The following KIF23 variants were observed in gnomAD, a reference collection of about 807,000 sequenced individuals.
KIF23 encodes the protein kinesin-like protein KIF23.
In KIF23, 30 loss-of-function variants were observed where a neutral mutation model predicts 137.5. The observed-to-expected ratio is 0.22, with a 90% CI of 0.16 to 0.30. The LOEUF (loss-of-function observed/expected upper bound fraction) is 0.30. Ranked by LOEUF, KIF23 falls within the 10% of genes least tolerant of loss-of-function variation. The pLI is 1.00. For synonymous variants in KIF23, 367 were observed against 391.1 expected (o/e 0.94, Z 0.73); for missense variants, 920 against 1,194.3 (o/e 0.77, Z 3.38).
At position 69,419,250 on chromosome 15, in the gene KIF23, C is replaced by T. The variant is rs190756915; in HGVS notation, c.210+1739C>T. Among the ~76,000 whole-genome samples, 30 of 152,300 alleles carry T rather than the reference C, an allele frequency of 2.0e-4. No individual in the cohort carries two copies. The East Asian group carries it at 5.2e-3, about 26-fold the overall frequency. ...GGTATCATTGACAAGACTTCCAAAG[C>T]CCAACTGCCTCCACTTGGAATCTTC... On this transcript the variant is annotated intron_variant, in intron 3 of 23. Coordinates refer to ENST00000679126, the MANE Select transcript of KIF23 (RefSeq NM_001367805.3).
At chr15:69,437,376 A>G (rs2057507414) in intron 15 of KIF23, among the ~76,000 whole-genome samples, 1 of 152,158 alleles carries the variant, frequency 6.6e-6, no homozygotes, top group Non-Finnish European at 1.5e-5. Flanking sequence ...TGTGAAGATA[A>G]ATAAGATAAA....
At position 69,426,193 on chromosome 15, in the gene KIF23, C is replaced by T; in HGVS notation, c.889+11C>T. The T allele has an allele frequency of 6.3e-7, 1 of 1,595,634 alleles. No individual in the cohort carries two copies. Among genetic ancestry groups the T allele is most frequent in the Non-Finnish European group, 8.5e-7 (1 of 1,169,844 alleles). ...AAGTTTTCTGGAGAGGTTAGAAACACCTAGAACTAGAAAAATACAGAATGA... is the reference window on the plus strand; with the variant it reads ...AAGTTTTCTGGAGAGGTTAGAAACATCTAGAACTAGAAAAATACAGAATGA... On this transcript the variant is annotated intron_variant, in intron 9 of 23. Coordinates refer to ENST00000679126, the MANE Select transcript of KIF23 (RefSeq NM_001367805.3).
At chr15:69,423,351 T>A (rs1392345175) in intron 7 of KIF23, 22 bp downstream of exon 7, 5 of 1,482,750 alleles carry the variant, frequency 3.4e-6, no homozygotes, top group Non-Finnish European at 9.0e-7. Flanking sequence ...AGAGAGCCCC[T>A]TCTTAGCTGT....
rs768079172 is a variant in KIF23 at position 69,417,546 on chromosome 15, A to G, written c.210+35A>G. 15 of 1,592,732 alleles carry G rather than the reference A, an allele frequency of 9.4e-6. No individual in the cohort carries two copies. The South Asian group carries it at 1.1e-4, about 12-fold the overall frequency. On this transcript the variant is annotated intron_variant, in intron 3 of 23. Transcript: ENST00000679126. ...ATTTGGACCAAGTTGTTTTTACTCA[A>G]TATGTTGTTTCCTGAATGACTTCTA...
chr15:69,435,644 CTT>C lies in KIF23; in HGVS notation c.1195-6_1195-5del. 1.2e-6 allele frequency: 2 copies of C among 1,613,204 alleles called. No homozygotes were observed. Among genetic ancestry groups the C allele is most frequent in the African/African-American group, 1.3e-5 (1 of 74,942 alleles). On this transcript the variant is annotated splice_polypyrimidine_tract_variant and splice_region_variant and intron_variant, in intron 12 of 23. Transcript: ENST00000679126. The stretch of plus-strand genomic sequence containing the variant: ...GCGTAACACATTTGGATATGAATGT[CTT>C]TGTAGATGGTTCCATATCGAGATTC...
At chr15:69,424,992 A>G (rs2057153773) in intron 7 of KIF23, among the ~76,000 whole-genome samples, 1 of 152,204 alleles carries the variant, frequency 6.6e-6, no homozygotes, top group African/African-American at 2.4e-5. Context: ...TATACAAAAG[A>G]AGATTGACAA....
rs532631063 is a variant in KIF23, at chr15:69,429,749, G to A, written c.1114+536G>A. Among the ~76,000 whole-genome samples the A allele has an allele frequency of 5.3e-5, 8 of 152,192 alleles. No homozygotes were observed. In the East Asian group the frequency reaches 5.8e-4, roughly 11 times the overall value. On this transcript the variant is annotated intron_variant, in intron 11 of 23. Coordinates refer to ENST00000679126, the MANE Select transcript of KIF23 (RefSeq NM_001367805.3). ...AGTTGTATTCAATTAGTCTGGGTGC[G>A]GTGGCTCACACCTGTAATCCTGGCA...
intron 10 of KIF23, chr15:69,427,364 TTA>T: frequency 2.2e-6 from 1 of 455,468 alleles, no homozygotes; most frequent in South Asian, 1.6e-5. Flanking sequence ...TTCCCCATTA[TTA>T]TAGTTTTGGG....
chr15:69,438,102 C>T, intron 15 of KIF23, 146 bp from the exon 16 acceptor site: 1 of 607,076 alleles, frequency 1.6e-6, no homozygotes, highest in Non-Finnish European at 2.7e-6. Flanking sequence ...TCCTGATTTC[C>T]CTCTAAACTT....
At chr15:69,423,481 G>C in intron 7 of KIF23, 152 bp downstream of exon 7, 2 of 533,770 alleles carry the variant, frequency 3.7e-6, no homozygotes, top group Non-Finnish European at 6.4e-6. Flanking sequence ...GTGGTTTTGT[G>C]TTTGAGTATG....
At chr15:69,432,657 G>T (rs971209796) in intron 11 of KIF23, among the ~76,000 whole-genome samples, 2 of 152,092 alleles carry the variant, frequency 1.3e-5, no homozygotes, top group African/African-American at 4.8e-5. Context: ...ATTTCTGAAG[G>T]TATAACACAG....
At chr15:69,416,089 G>A (rs773971888) in intron 2 of KIF23, 26 bp downstream of exon 2, 24 of 1,492,070 alleles carry the variant, frequency 1.6e-5, no homozygotes, top group Non-Finnish European at 2.2e-5. Flanking sequence ...AAATTTATGT[G>A]TGGTGTTTAA....
In KIF23 at chr15:69,443,160, C is replaced by T. The variant is rs114843340; in HGVS notation, c.2422-1630C>T. On this transcript the variant is annotated intron_variant, in intron 19 of 23. Transcript: ENST00000679126. ...TAGTGGCAAACTGTATTGCCCATGT[C>T]TTAGAGCTGTCACTAGTGCTGCATT... Among the ~76,000 whole-genome samples the T allele has an allele frequency of 2.8e-3, 425 of 152,168 alleles. 3 individuals carry two copies. Among genetic ancestry groups the T allele is most frequent in the African/African-American group, 9.9e-3 (413 of 41,516 alleles).
At chr15:69,424,539 T>A (rs2057140944) in intron 7 of KIF23, among the ~76,000 whole-genome samples, 1 of 152,192 alleles carries the variant, frequency 6.6e-6, no homozygotes, top group Admixed American at 6.5e-5. Flanking sequence ...TTTTATTTAT[T>A]TTTGAGACAG....
Position 69,422,017 on chromosome 15 carries a change from G to A in KIF23, c.342G>A (p.Thr114=), listed in dbSNP as rs544467574. The change falls in exon 5 of 24, where the codon ACG becomes ACA. Residue 114 remains threonine (T), a synonymous_variant. Transcript: ENST00000679126. ...KNGLLFTYGV[T]GSGKTHTMTG... ...GTCTTCTTTTTACATATGGTGTGAC[G>A]GGAAGTGGAAAAACTCACACAATGA... The A allele has an allele frequency of 9.3e-6, 15 of 1,613,880 alleles. No homozygotes were observed. Among genetic ancestry groups the A allele is most frequent in the African/African-American group, 1.3e-5 (1 of 74,892 alleles).
intron 20 of KIF23, 79 bp downstream of exon 20, chr15:69,445,120 G>GT (rs1376431590): frequency 7.6e-7 from 1 of 1,323,738 alleles, no homozygotes; most frequent in Non-Finnish European, 1.0e-6. Context: ...TACTCCTTTG[G>GT]TGACACACAG....
At chr15:69,425,203 G>A in intron 7 of KIF23, 79 bp from the exon 8 acceptor site, 1 of 1,070,982 alleles carries the variant, frequency 9.3e-7, no homozygotes, top group Admixed American at 2.2e-5. Context: ...CATTGTGATT[G>A]TCACATAGTC....
rs773127932 is a variant in KIF23 at position 69,446,959 on chromosome 15, T to C, written c.2909+18T>C. On this transcript the variant is annotated intron_variant, in intron 23 of 23. Transcript: ENST00000679126. ...CAACCCAAGTGAGTACTGACTGTAA[T>C]TGGGGTCTTGCTGTGTGCTTTTTTC... is the stretch of plus-strand genomic sequence containing the variant. 7.5e-6 allele frequency: 12 copies of C among 1,610,652 alleles called. No individual in the cohort carries two copies. In the East Asian group the frequency reaches 1.3e-4, roughly 18 times the overall value.
chr15:69,422,562 A>C, intron 6 of KIF23, 127 bp downstream of exon 6: 1 of 633,056 alleles, frequency 1.6e-6, no homozygotes, highest in Middle Eastern at 2.6e-4. Flanking sequence ...AAAGTTAAGG[A>C]ATGTTCTTAA....
Sources: allele counts gnomAD v4.1 joint callset (sites outside exome capture counted in the v4.1 genomes callset), GRCh38; gene constraint gnomAD v4.1.1; transcripts MANE v1.5; gene names NCBI Gene and HGNC (gene_info 2026-07-23, HGNC 2026-07-21).